Variants in EPM2A observed in about 807,000 individuals in gnomAD.
EPM2A encodes the protein laforin.
A neutral mutation model predicts 26.5 loss-of-function variants in EPM2A; 21 were observed. The ratio of observed to expected loss-of-function variants is 0.79; its 90% CI spans 0.56 to 1.14. The LOEUF (loss-of-function observed/expected upper bound fraction) is 1.14. Ranked by LOEUF, EPM2A falls within the 50% of genes most tolerant of loss-of-function variation. EPM2A has a pLI of 0.00. For missense variants in EPM2A, 458 were observed against 440.8 expected (o/e 1.04, Z -0.35); for synonymous variants, 217 against 177.6 (o/e 1.22, Z -1.76).
At chr6:145,448,256 T>C (rs1779150270) in intron 4 of EPM2A, among the ~76,000 whole-genome samples, 1 of 152,136 alleles carries the variant, frequency 6.6e-6, no homozygotes, top group African/African-American at 2.4e-5. Flanking sequence ...CCTTCATTTG[T>C]CATTGGTTTT....
chr6:145,608,180 C>A (rs6908707), intron 2 of EPM2A, among the ~76,000 whole-genome samples: 10,196 of 152,214 alleles, frequency 0.067, 1,144 homozygotes, highest in African/African-American at 0.23. Flanking sequence ...GTTCGATTTT[C>A]TTATTAGCTA....
At chr6:145,505,494 C>T (rs1779959315) in intron 2 of EPM2A, among the ~76,000 whole-genome samples, 1 of 152,012 alleles carries the variant, frequency 6.6e-6, no homozygotes, top group African/African-American at 2.4e-5. Flanking sequence ...TCCATTACCA[C>T]CTACATAGTC....
chr6:145,626,939 G>T lies in EPM2A; in HGVS notation c.*477C>A. On this transcript the variant is annotated 3_prime_UTR_variant, in exon 4 of 4. Transcript: ENST00000367519. Reference sequence around the variant, plus strand: ...TTTGACCATAGTGAGCTCTTCTTTTGTAACGGTTCAGGCTTCTAACCTTAT... The same window carrying T: ...TTTGACCATAGTGAGCTCTTCTTTTTTAACGGTTCAGGCTTCTAACCTTAT... 1 of 1,011,430 alleles carries T rather than the reference G, an allele frequency of 9.9e-7. No individual in the cohort carries two copies. Among genetic ancestry groups the T allele is most frequent in the South Asian group, 4.1e-5 (1 of 24,350 alleles). The allele number at this position is 1,011,430 out of a possible 1,614,324, so 62.7% of individuals were successfully genotyped here. A position where few individuals can be genotyped will look rare whatever the true frequency, so the allele number is the denominator to read the frequency against.
At chr6:145,418,909 C>T (rs569053926) in intron 4 of EPM2A, among the ~76,000 whole-genome samples, 13 of 152,190 alleles carry the variant, frequency 8.5e-5, no homozygotes, top group Admixed American at 7.2e-4. Flanking sequence ...TTTTAAATTA[C>T]GTTTACCAAA....
intron 2 of EPM2A, among the ~76,000 whole-genome samples, chr6:145,537,318 A>G (rs1005329617): frequency 9.9e-5 from 15 of 152,276 alleles, no homozygotes; most frequent in South Asian, 4.2e-4. Flanking sequence ...CAATCTCTCG[A>G]AACCAATAGA....
intron 2 of EPM2A, among the ~76,000 whole-genome samples, chr6:145,567,479 C>T (rs1232566104): frequency 6.6e-6 from 1 of 152,162 alleles, no homozygotes; most frequent in Non-Finnish European, 1.5e-5. Flanking sequence ...CTGGAACATG[C>T]TGCCACAGCA....
chr6:145,537,217 A>G lies in EPM2A; in HGVS notation c.341-34642T>C, dbSNP rs142277342. 7.0e-3 allele frequency among the ~76,000 whole-genome samples: 1,069 copies of G among 152,312 alleles called. 7 individuals carry two copies. The highest frequency in any genetic ancestry group is 9.5e-3 in the Non-Finnish European group (647 of 68,036). ...TAGTTTCCTGGGTTGTATATGGTAG[A>G]TAAGGAGTTGGTTTCCTGGATAGGT... On this transcript the variant is annotated intron_variant, in intron 2 of 3. Coordinates refer to the EPM2A transcript ENST00000450221.
At chr6:145,441,216 C>T (rs1459677637) in intron 4 of EPM2A, among the ~76,000 whole-genome samples, 1 of 152,248 alleles carries the variant, frequency 6.6e-6, no homozygotes, top group Non-Finnish European at 1.5e-5. Context: ...CTTGCACCCT[C>T]TGAAGCCATG....
chr6:145,680,068 T>C (rs1207953219), intron 2 of EPM2A: 1 of 152,118 alleles, frequency 6.6e-6, no homozygotes, highest in Non-Finnish European at 1.5e-5. Context: ...TATAATCATA[T>C]TATTTATCAT....
chr6:145,511,213 C>T (rs942884709), intron 2 of EPM2A, among the ~76,000 whole-genome samples: 8 of 152,094 alleles, frequency 5.3e-5, no homozygotes, highest in Non-Finnish European at 1.2e-4. Context: ...AATTTATATT[C>T]CAAAAAATTG....
intron 1 of EPM2A, among the ~76,000 whole-genome samples, chr6:145,702,476 G>A (rs115485995): frequency 0.06 from 9,067 of 150,116 alleles, 1,007 homozygotes; most frequent in African/African-American, 0.21. Flanking sequence ...GCAAAAAGAA[G>A]AAAAAAAGAA....
Position 145,635,388 on chromosome 6 carries a change from A to T in EPM2A, c.575T>A (p.Phe192Tyr). ...CTGTACAATATCCCATTCAGTCTGG[A>T]AATTCATTACAGCTGTAATCCCCAA... ...HELGITAVMN[F>Y]QTEWDIVQNS... is the part of the protein sequence containing the mutation. The change falls in exon 3 of 4, where the codon TTC becomes TAC. Residue 192 changes from phenylalanine to tyrosine, a missense_variant. Transcript: ENST00000367519. 6.2e-7 allele frequency: 1 copy of T among 1,614,168 alleles called. No individual in the cohort carries two copies. Among genetic ancestry groups the T allele is most frequent in the Non-Finnish European group, 8.5e-7 (1 of 1,180,022 alleles).
At chr6:145,651,850 C>T (rs962863685) in intron 2 of EPM2A, among the ~76,000 whole-genome samples, 14 of 151,994 alleles carry the variant, frequency 9.2e-5, no homozygotes, top group African/African-American at 2.7e-4. Context: ...TTTTATTAAA[C>T]GGGTCAAAGG....
At chr6:145,544,663 A>T (rs759094478) in intron 2 of EPM2A, among the ~76,000 whole-genome samples, 9 of 152,178 alleles carry the variant, frequency 5.9e-5, no homozygotes, top group Non-Finnish European at 1.2e-4. Flanking sequence ...AGAAACTGGT[A>T]TATCTGTGGC....
intron 2 of EPM2A, among the ~76,000 whole-genome samples, chr6:145,569,719 G>T (rs1309075616): frequency 5.9e-5 from 9 of 152,152 alleles, no homozygotes. Context: ...TATGGTGTTT[G>T]TAAAGTAGAT....
intron 1 of EPM2A, among the ~76,000 whole-genome samples, chr6:145,689,907 G>T (rs940108275): frequency 1.3e-5 from 2 of 152,168 alleles, no homozygotes; most frequent in Non-Finnish European, 2.9e-5. Context: ...GTAACGAGGT[G>T]CCCCTTCTTT....
Position 145,703,093 on chromosome 6 carries a change from C to CTT in EPM2A, c.302-16799_302-16798dup, listed in dbSNP as rs1293584320. Among the ~76,000 whole-genome samples the CTT allele has an allele frequency of 1.8e-4, 16 of 88,760 alleles. 2 individuals carry two copies. The highest frequency in any genetic ancestry group is 2.4e-4 in the African/African-American group (5 of 20,546). 58.2% of individuals were successfully genotyped at this position (88,760 alleles called of 152,430 possible). ...ATCAGCAAATTTGATAAACATGTTT[C>CTT]TTTTTTTTTTTTTTTTCGAGACGGA... On this transcript the variant is annotated intron_variant, in intron 1 of 3. Transcript: ENST00000367519.
chr6:145,391,434 T>C (rs1342616830), intron 4 of EPM2A, among the ~76,000 whole-genome samples: 4 of 152,168 alleles, frequency 2.6e-5, no homozygotes, highest in Non-Finnish European at 4.4e-5. Flanking sequence ...TAGGGCCTAA[T>C]TGCAATACAC....
intron 4 of EPM2A, among the ~76,000 whole-genome samples, chr6:145,456,109 G>A (rs527733178): frequency 1.3e-5 from 2 of 152,284 alleles, no homozygotes; most frequent in Admixed American, 6.5e-5. Flanking sequence ...GAAGAAGGGG[G>A]ATGCATGGTG....
Sources: gnomAD v4.1 joint callset for allele counts (sites outside exome capture counted in the v4.1 genomes callset) on GRCh38, gnomAD v4.1.1 for gene constraint, MANE v1.5 for transcripts, NCBI Gene and HGNC (gene_info 2026-07-23, HGNC 2026-07-21) for gene names.